The following PTAFR variants were observed in gnomAD, a reference collection of about 807,000 sequenced individuals.
PTAFR encodes platelet-activating factor receptor.
Under a neutral mutation model 14.7 loss-of-function variants are expected in PTAFR, and 8 were observed. The observed-to-expected ratio is 0.54, with a 90% CI of 0.32 to 0.98. PTAFR has a LOEUF of 0.98. Among genes scored for constraint, PTAFR ranks in the 50% least tolerant of loss-of-function variants. The pLI is 0.04. For synonymous variants in PTAFR, 156 were observed against 176.5 expected, an observed-to-expected ratio of 0.88 and a Z score of 0.92; for missense variants, 337 against 451.2, an observed-to-expected ratio of 0.75 and a Z score of 2.29.
intron 1 of PTAFR, among the ~76,000 whole-genome samples, chr1:28,169,108 A>G (rs973430339): frequency 2.0e-5 from 3 of 152,178 alleles, no homozygotes; most frequent in Non-Finnish European, 4.4e-5. Flanking sequence ...GTTAACAGGG[A>G]CCAGGCACAT....
chr1:28,159,056 A>C (rs1646296627), intron 1 of PTAFR, among the ~76,000 whole-genome samples: 1 of 152,194 alleles, frequency 6.6e-6, no homozygotes. Context: ...GGAGGAAACA[A>C]AGAGAACTGC....
rs754437060 is a variant in PTAFR, at chr1:28,149,918, A to G, written c.*75T>C. 8.9e-5 allele frequency: 136 copies of G among 1,526,586 alleles called. 1 individual carries two copies. The highest frequency in any genetic ancestry group is 1.2e-4 in the Non-Finnish European group (131 of 1,129,466). The allele number at this position is 1,526,586 out of a possible 1,614,324, so 94.6% of individuals were successfully genotyped here. On this transcript the variant is annotated 3_prime_UTR_variant, in exon 2 of 2. Coordinates refer to ENST00000373857, the MANE Select transcript of PTAFR (RefSeq NM_000952.5). Reference sequence around the variant, plus strand: ...CCCACAGAGGTGGTGCCCAGACCACAGTAGATATCCCTTCTTCCCCCAGCT... The same window carrying G: ...CCCACAGAGGTGGTGCCCAGACCACGGTAGATATCCCTTCTTCCCCCAGCT...
chr1:28,163,461 ACAGTCTCCC>A (rs1646348175), intron 1 of PTAFR, among the ~76,000 whole-genome samples: 1 of 152,218 alleles, frequency 6.6e-6, no homozygotes, highest in African/African-American at 2.4e-5. Flanking sequence ...GGAAGTGTGC[ACAGTCTCCC>A]CAGGGGAGCT....
upstream of PTAFR, chr1:28,177,111 A>G (rs1646523708): frequency 6.6e-6 from 1 of 152,354 alleles, no homozygotes; most frequent in African/African-American, 2.4e-5. Flanking sequence ...GAGAGGAACA[A>G]GGAGATTCAG....
chr1:28,170,408 T>G (rs1347540539), intron 1 of PTAFR, among the ~76,000 whole-genome samples: 2 of 152,142 alleles, frequency 1.3e-5, no homozygotes, highest in Non-Finnish European at 2.9e-5. Context: ...AAAATGGGAA[T>G]AGCATCAACA....
At chr1:28,175,264 C>G (rs1646500306) in intron 1 of PTAFR, among the ~76,000 whole-genome samples, 2 of 152,212 alleles carry the variant, frequency 1.3e-5, no homozygotes, top group Admixed American at 6.5e-5. Context: ...AGTGGAACTT[C>G]CGAACAACTC....
intron 1 of PTAFR, among the ~76,000 whole-genome samples, chr1:28,156,842 C>A (rs1646269016): frequency 1.3e-5 from 2 of 152,128 alleles, no homozygotes; most frequent in African/African-American, 4.8e-5. Context: ...GGTCCTGTTT[C>A]CAGGGCATGG....
upstream of PTAFR, among the ~76,000 whole-genome samples, chr1:28,180,752 G>T (rs1646555680): frequency 6.6e-6 from 1 of 152,046 alleles, no homozygotes; most frequent in South Asian, 2.1e-4. Flanking sequence ...AGATAATGGT[G>T]TTGCAGTTAT....
chr1:28,181,161 A>G (rs1572048545), upstream of PTAFR, among the ~76,000 whole-genome samples: 1 of 151,960 alleles, frequency 6.6e-6, no homozygotes, highest in Non-Finnish European at 1.5e-5. Flanking sequence ...GTTATTTGAA[A>G]CCACTAAGTT....
chr1:28,192,618 GGCATGTGGTAAAT>G (rs1293355767), intron 1 of PTAFR, among the ~76,000 whole-genome samples: 4 of 151,178 alleles, frequency 2.6e-5, no homozygotes, highest in Non-Finnish European at 5.9e-5. Flanking sequence ...GCTCCCAGGA[GGCATGTGGTAAAT>G]GCTGGGTTTT....
intron 1 of PTAFR, among the ~76,000 whole-genome samples, chr1:28,161,973 G>A (rs1343664567): frequency 6.6e-6 from 1 of 152,192 alleles, no homozygotes; most frequent in Non-Finnish European, 1.5e-5. Context: ...ATTTCATCAT[G>A]TTCTGAAGTA....
intron 1 of PTAFR, among the ~76,000 whole-genome samples, chr1:28,161,531 G>A (rs1646323653): frequency 6.6e-6 from 1 of 151,920 alleles, no homozygotes; most frequent in African/African-American, 2.4e-5. Context: ...TTAATAAATA[G>A]AGACAAGGTC....
chr1:28,191,146 C>T (rs1192596569), intron 1 of PTAFR, among the ~76,000 whole-genome samples: 1 of 152,232 alleles, frequency 6.6e-6, no homozygotes, highest in African/African-American at 2.4e-5. Context: ...TAAGAAAGGT[C>T]ACCGTGGCAT....
chr1:28,163,936 G>C (rs1352306242), intron 1 of PTAFR, among the ~76,000 whole-genome samples: 1 of 152,266 alleles, frequency 6.6e-6, no homozygotes, highest in Non-Finnish European at 1.5e-5. Flanking sequence ...ATGGATCGAG[G>C]CTGGGCAGCT....
chr1:28,189,837 T>C (rs913536384), intron 1 of PTAFR, among the ~76,000 whole-genome samples: 3 of 151,242 alleles, frequency 2.0e-5, no homozygotes, highest in African/African-American at 7.3e-5. Context: ...AGCTAACTTT[T>C]GTATATTTTG....
Position 28,163,084 on chromosome 1 carries a change from T to C in PTAFR, c.-38-12025A>G, listed in dbSNP as rs370371515. On this transcript the variant is annotated intron_variant, in intron 1 of 1. Coordinates refer to ENST00000373857, the MANE Select transcript of PTAFR (RefSeq NM_000952.5). Reference sequence around the variant, plus strand: ...TCTCGCTGCTTCCCTAAAAACTCCATTTTTCCTCAAATCTCTTTGCCTTTC... The same window carrying C: ...TCTCGCTGCTTCCCTAAAAACTCCACTTTTCCTCAAATCTCTTTGCCTTTC... 2.0e-4 allele frequency among the ~76,000 whole-genome samples: 30 copies of C among 152,276 alleles called. 1 individual carries two copies. The highest frequency in any genetic ancestry group is 6.8e-3 in the Middle Eastern group (2 of 294).
At position 28,152,902 on chromosome 1, in the gene PTAFR, G is replaced by A. The variant is rs570300840; in HGVS notation, c.-38-1843C>T. 3.7e-4 allele frequency among the ~76,000 whole-genome samples: 56 copies of A among 152,330 alleles called. No individual in the cohort carries two copies. In the East Asian group the frequency reaches 9.1e-3, roughly 25 times the overall value. On this transcript the variant is annotated intron_variant, in intron 1 of 1. Coordinates refer to ENST00000373857, the MANE Select transcript of PTAFR (RefSeq NM_000952.5). Reference sequence around the variant, plus strand: ...ACAGTGGTAAGTAGCCTCTGGGAAGGTGAGGTAGCTTAGTGGGAAGTTTAT... The same window carrying A: ...ACAGTGGTAAGTAGCCTCTGGGAAGATGAGGTAGCTTAGTGGGAAGTTTAT...
chr1:28,191,707 T>C (rs1189265385), intron 1 of PTAFR, among the ~76,000 whole-genome samples: 1 of 151,846 alleles, frequency 6.6e-6, no homozygotes, highest in African/African-American at 2.4e-5. Flanking sequence ...ATGTACTCTT[T>C]TATATCTATT....
Position 28,155,882 on chromosome 1 carries a change from C to T in PTAFR, c.-38-4823G>A, listed in dbSNP as rs139374413. Among the ~76,000 whole-genome samples the T allele has an allele frequency of 4.8e-3, 725 of 151,736 alleles. 7 individuals are homozygous for T. Among genetic ancestry groups the T allele is most frequent in the Non-Finnish European group, 8.0e-3 (543 of 67,906 alleles). On this transcript the variant is annotated intron_variant, in intron 1 of 1. Transcript: ENST00000373857. ...GACCCTGTCTCAAAAAGTAAAACAA[C>T]GAAAAAGTCCATTGATATGATGTAG...
Sources: allele counts gnomAD v4.1 joint callset (sites outside exome capture counted in the v4.1 genomes callset), GRCh38; gene constraint gnomAD v4.1.1; transcripts MANE v1.5; gene names NCBI Gene and HGNC (gene_info 2026-07-23, HGNC 2026-07-21).